Variants in SHLD1 observed in about 807,000 individuals in gnomAD.
SHLD1 encodes shieldin complex subunit 1, also known as RINN1-REV7-interacting novel NHEJ regulator 3.
Under a neutral mutation model 5.5 loss-of-function variants are expected in SHLD1, and 3 were observed. The observed-to-expected ratio is 0.54, with a 90% CI of 0.25 to 1.40. SHLD1 has a LOEUF of 1.40. Ranked by LOEUF, SHLD1 falls within the 40% of genes most tolerant of loss-of-function variation. The pLI is 0.15. For synonymous variants in SHLD1, 92 were observed against 94.3 expected (o/e 0.98, Z 0.14); for missense variants, 210 against 244.4 (o/e 0.86, Z 0.94).
At chr20:5,830,290 G>A (rs1386764823) in intron 2 of SHLD1, among the ~76,000 whole-genome samples, 1 of 152,046 alleles carries the variant, frequency 6.6e-6, no homozygotes, top group Admixed American at 6.5e-5. Flanking sequence ...CATTGAAAAT[G>A]AACAAACTGC....
chr20:5,855,848 C>G lies in SHLD1; in HGVS notation c.179-7176C>G, dbSNP rs1290292533. On this transcript the variant is annotated intron_variant, in intron 2 of 2. Coordinates refer to ENST00000303142, the MANE Select transcript of SHLD1 (RefSeq NM_152504.4). The surrounding 1 kb of genome is among the most constrained non-coding windows in gnomAD (Gnocchi z 4.4). ...TCCCTACAGGATATTCTTTCATCCTCATCCTTTTGAAATCAGGCTTGGCCA... is the reference window on the plus strand; with the variant it reads ...TCCCTACAGGATATTCTTTCATCCTGATCCTTTTGAAATCAGGCTTGGCCA... 6.6e-6 allele frequency among the ~76,000 whole-genome samples: 1 copy of G among 152,206 alleles called. No homozygotes were observed. The highest frequency in any genetic ancestry group is 1.9e-4 in the East Asian group (1 of 5,200).
At chr20:5,852,623 T>C (rs1349231586) in intron 2 of SHLD1, among the ~76,000 whole-genome samples, 1 of 152,176 alleles carries the variant, frequency 6.6e-6, no homozygotes, top group Non-Finnish European at 1.5e-5. Context: ...CTAACTTTTG[T>C]ATTTTTAGTA....
rs577179376 is a variant in SHLD1, at chr20:5,783,518, C to G, written c.178+10475C>G. ...GGATTATAGGCGAGAGCCACCATGC[C>G]CAGCCTCCTAGATTGAGTTATGCAG... On this transcript the variant is annotated intron_variant, in intron 2 of 2. Transcript: ENST00000303142. Among the ~76,000 whole-genome samples, 11 of 152,264 alleles carry G rather than the reference C, an allele frequency of 7.2e-5. No homozygotes were observed. In the South Asian group the frequency reaches 2.3e-3, roughly 32 times the overall value.
rs1190340129 is a variant in SHLD1, at chr20:5,817,432, C to CTGTGTG, written c.178+44425_178+44430dup. ...TCTCTCTCTCTCTCTCTCTCTCTCT[C>CTGTGTG]TGTGTGTGTGTGTGTGTGTGTGTGT... On this transcript the variant is annotated intron_variant, in intron 2 of 2. Transcript: ENST00000303142. Among the ~76,000 whole-genome samples, 332 of 85,650 alleles carry CTGTGTG rather than the reference C, an allele frequency of 3.9e-3. 2 individuals are homozygous for CTGTGTG. Among genetic ancestry groups the CTGTGTG allele is most frequent in the African/African-American group, 0.014 (246 of 17,988 alleles). The allele number at this position is 85,650 out of a possible 152,430, so 56.2% of individuals were successfully genotyped here.
intron 2 of SHLD1, among the ~76,000 whole-genome samples, chr20:5,797,552 G>A (rs1446719694): frequency 7.6e-6 from 1 of 131,030 alleles, no homozygotes; most frequent in African/African-American, 2.8e-5. Flanking sequence ...GACAGAGCTA[G>A]ACTCCATCTC....
chr20:5,779,966 A>G (rs1985612396), intron 2 of SHLD1, among the ~76,000 whole-genome samples: 1 of 130,614 alleles, frequency 7.7e-6, no homozygotes, highest in African/African-American at 2.9e-5. Context: ...AGTTTTTACA[A>G]TTTCTGTTTT....
intron 2 of SHLD1, among the ~76,000 whole-genome samples, chr20:5,844,102 A>ATT (rs2087898354): frequency 6.6e-6 from 1 of 152,190 alleles, no homozygotes; most frequent in African/African-American, 2.4e-5. Flanking sequence ...GCTCTCCTTA[A>ATT]ATTCAAGTGT....
chr20:5,859,051 A>G (rs760866746), intron 2 of SHLD1, among the ~76,000 whole-genome samples: 5 of 152,160 alleles, frequency 3.3e-5, no homozygotes, highest in African/African-American at 7.2e-5. Context: ...ACCAGGGCCA[A>G]TGGTTTTCCC....
At chr20:5,796,034 C>G (rs1700755005) in intron 2 of SHLD1, among the ~76,000 whole-genome samples, 1 of 151,674 alleles carries the variant, frequency 6.6e-6, no homozygotes, top group African/African-American at 2.4e-5. Flanking sequence ...TATTCCGGAA[C>G]AGTAGATATC....
intron 2 of SHLD1, among the ~76,000 whole-genome samples, chr20:5,816,925 T>G (rs1291677096): frequency 6.6e-6 from 1 of 152,006 alleles, no homozygotes; most frequent in Non-Finnish European, 1.5e-5. Context: ...AATAAATAGC[T>G]GGGCGTGGTG....
chr20:5,828,566 C>T (rs2087692635), intron 2 of SHLD1, among the ~76,000 whole-genome samples: 1 of 152,070 alleles, frequency 6.6e-6, no homozygotes, highest in Non-Finnish European at 1.5e-5. Flanking sequence ...GGTCTTGTAC[C>T]AAGAAGAACA....
intron 2 of SHLD1, among the ~76,000 whole-genome samples, chr20:5,822,710 T>C (rs187886794): frequency 6.6e-6 from 1 of 152,112 alleles, no homozygotes; most frequent in East Asian, 1.9e-4. Flanking sequence ...TCTCTCCTAG[T>C]CATGGACTTC....
At chr20:5,817,816 A>G (rs189999288) in intron 2 of SHLD1, among the ~76,000 whole-genome samples, 1 of 152,258 alleles carries the variant, frequency 6.6e-6, no homozygotes, top group African/African-American at 2.4e-5. Flanking sequence ...AGCTTCAGAA[A>G]TTCCAGGCAC....
intron 2 of SHLD1, among the ~76,000 whole-genome samples, chr20:5,838,449 AAATT>A (rs2087815333): frequency 2.6e-5 from 4 of 152,240 alleles, no homozygotes; most frequent in Admixed American, 1.3e-4. Flanking sequence ...ATAAAAATAA[AAATT>A]AGTTATGAAT....
chr20:5,761,330 G>T (rs546145589), intron 1 of SHLD1, among the ~76,000 whole-genome samples: 1 of 151,906 alleles, frequency 6.6e-6, no homozygotes, highest in Non-Finnish European at 1.5e-5. Context: ...CTAGATGACG[G>T]GTTGATAGGT....
intron 2 of SHLD1, among the ~76,000 whole-genome samples, chr20:5,813,598 A>C (rs2087489143): frequency 6.6e-6 from 1 of 152,228 alleles, no homozygotes. Context: ...AAAGGAAAGC[A>C]GTGTTAGAGA....
chr20:5,792,642 A>G (rs1279798399), intron 2 of SHLD1, among the ~76,000 whole-genome samples: 1 of 146,860 alleles, frequency 6.8e-6, no homozygotes, highest in Non-Finnish European at 1.5e-5. Context: ...CTGGTCTCGA[A>G]CTCCTGACCT....
intron 2 of SHLD1, among the ~76,000 whole-genome samples, chr20:5,782,332 C>G (rs1490957141): frequency 6.6e-6 from 1 of 152,188 alleles, no homozygotes; most frequent in Non-Finnish European, 1.5e-5. Context: ...CCCACATGTA[C>G]TGCTAGAGCT....
At position 5,860,058 on chromosome 20, in the gene SHLD1, C is replaced by T. The variant is rs534610206; in HGVS notation, c.179-2966C>T. Among the ~76,000 whole-genome samples the T allele has an allele frequency of 1.6e-4, 25 of 152,234 alleles. No individual in the cohort carries two copies. In the East Asian group the frequency reaches 3.5e-3, roughly 21 times the overall value. On this transcript the variant is annotated intron_variant, in intron 2 of 2. Coordinates refer to ENST00000303142, the MANE Select transcript of SHLD1 (RefSeq NM_152504.4). The stretch of plus-strand genomic sequence containing the variant: ...CCCAGTGTTGTTGGTGGGCATCCCC[C>T]GCTCTCTCCCACCCACCCCATTGGC...
Sources: gnomAD v4.1 joint callset for allele counts (sites outside exome capture counted in the v4.1 genomes callset) on GRCh38, gnomAD v4.1.1 for gene constraint, Gnocchi (gnomAD v3.1) non-coding constraint, MANE v1.5 for transcripts, NCBI Gene and HGNC (gene_info 2026-07-23, HGNC 2026-07-21) for gene names.